Variants in CSMD1 observed in about 807,000 individuals in gnomAD.
The protein encoded by CSMD1 is CUB and sushi domain-containing protein 1.
Under a neutral mutation model 417.5 loss-of-function variants are expected in CSMD1, and 213 were observed. The ratio of observed to expected loss-of-function variants is 0.51; its 90% confidence interval spans 0.46 to 0.57. The LOEUF (loss-of-function observed/expected upper bound fraction) is 0.57. Among genes scored for constraint, CSMD1 ranks in the 20% least tolerant of loss-of-function variants. The pLI is 0.00. For missense variants in CSMD1, 6,923 were observed against 4,529.7 expected, an observed-to-expected ratio of 1.53 and a Z score of -15.17; for synonymous variants, 2,862 against 1,736.8, an observed-to-expected ratio of 1.65 and a Z score of -16.11.
chr8:3,427,574 A>T (rs960494408), intron 12 of CSMD1, among the ~76,000 whole-genome samples: 2 of 152,192 alleles, frequency 1.3e-5, no homozygotes, highest in Non-Finnish European at 2.9e-5. Context: ...CATATTTCAA[A>T]TCTATGAGAT....
chr8:4,980,415 T>C (rs930844288), intron 1 of CSMD1, among the ~76,000 whole-genome samples: 3 of 152,016 alleles, frequency 2.0e-5, no homozygotes, highest in African/African-American at 7.3e-5. Flanking sequence ...TCTGGTCTTG[T>C]GTGTGTGGGA....
At chr8:4,478,490 CA>C (rs1563217338) in intron 2 of CSMD1, among the ~76,000 whole-genome samples, 1 of 151,870 alleles carries the variant, frequency 6.6e-6, no homozygotes, top group Admixed American at 6.6e-5. Context: ...CTTTCCCCCC[CA>C]AAAAAACTGA....
At chr8:3,695,283 C>G (rs1311877396) in intron 7 of CSMD1, among the ~76,000 whole-genome samples, 2 of 151,906 alleles carry the variant, frequency 1.3e-5, no homozygotes, top group South Asian at 2.1e-4. Flanking sequence ...ATTATAGTGC[C>G]GCGATGCAGA....
intron 5 of CSMD1, among the ~76,000 whole-genome samples, chr8:3,806,632 G>C (rs1000258595): frequency 3.9e-5 from 6 of 152,172 alleles, no homozygotes; most frequent in African/African-American, 1.4e-4. Flanking sequence ...ATGTAAGTCA[G>C]CTTCATATGT....
chr8:3,045,439 T>C (rs192961903), intron 50 of CSMD1, among the ~76,000 whole-genome samples: 33 of 152,320 alleles, frequency 2.2e-4, no homozygotes, highest in African/African-American at 7.5e-4. Flanking sequence ...CTGTCATATG[T>C]TTTACATAGG....
At chr8:4,202,963 G>A (rs931452249) in intron 3 of CSMD1, among the ~76,000 whole-genome samples, 3 of 152,102 alleles carry the variant, frequency 2.0e-5, no homozygotes, top group African/African-American at 7.2e-5. Flanking sequence ...TGTGGGAGGA[G>A]AACGATTACC....
chr8:4,758,611 T>C (rs1563310631), intron 1 of CSMD1, among the ~76,000 whole-genome samples: 1 of 152,204 alleles, frequency 6.6e-6, no homozygotes, highest in Non-Finnish European at 1.5e-5. Context: ...AAAAGATGTT[T>C]AATTGACTCA....
chr8:4,554,456 C>T (rs1000378856), intron 2 of CSMD1, among the ~76,000 whole-genome samples: 1 of 152,140 alleles, frequency 6.6e-6, no homozygotes, highest in South Asian at 2.1e-4. Flanking sequence ...CACTTTTTAA[C>T]ATTAGAATGT....
intron 3 of CSMD1, among the ~76,000 whole-genome samples, chr8:4,227,491 G>C (rs1364483753): frequency 2.6e-5 from 4 of 152,084 alleles, no homozygotes; most frequent in African/African-American, 4.8e-5. Flanking sequence ...CTGTGCCCTT[G>C]AGGCTGGAGG....
intron 34 of CSMD1, among the ~76,000 whole-genome samples, chr8:3,189,284 A>G (rs141909704): frequency 1.6e-3 from 240 of 152,348 alleles, no homozygotes; most frequent in Middle Eastern, 6.8e-3. Flanking sequence ...CAATGATGGC[A>G]TCTCCAAAGT....
rs1487950000 is a variant in CSMD1, at chr8:4,184,265, G to A, written c.416-152166C>T. 5.9e-5 allele frequency among the ~76,000 whole-genome samples: 9 copies of A among 152,164 alleles called. No individual in the cohort carries two copies. In the East Asian group the frequency reaches 1.7e-3, roughly 29 times the overall value. ...ATTTAGCATTCAGCACAGCCCATAT[G>A]CTCATTTATAATCTAACGCTATTCA... is the stretch of plus-strand genomic sequence containing the variant. On this transcript the variant is annotated intron_variant, in intron 3 of 69. Transcript: ENST00000635120.
intron 54 of CSMD1, 117 bp from the exon 55 acceptor site, chr8:2,978,917 A>G (rs780463586): frequency 1.2e-6 from 1 of 843,850 alleles, no homozygotes; most frequent in Non-Finnish European, 1.8e-6. Context: ...TGACAACATG[A>G]TGGCTGAGGC....
chr8:4,704,336 C>T (rs897833684), intron 1 of CSMD1, among the ~76,000 whole-genome samples: 5 of 152,194 alleles, frequency 3.3e-5, no homozygotes, highest in African/African-American at 1.2e-4. Context: ...ACTCACAAAT[C>T]AGTTGTCTGG....
At chr8:3,553,616 G>C (rs1433865956) in intron 10 of CSMD1, among the ~76,000 whole-genome samples, 1 of 152,150 alleles carries the variant, frequency 6.6e-6, no homozygotes, top group African/African-American at 2.4e-5. Flanking sequence ...GTCCCTCCCA[G>C]CATTGCTAAT....
chr8:3,108,923 C>G (rs538740748), intron 43 of CSMD1, among the ~76,000 whole-genome samples, 175 bp from the exon 44 acceptor site: 9 of 152,332 alleles, frequency 5.9e-5, no homozygotes, highest in Admixed American at 4.6e-4. Context: ...GAGGAACCCT[C>G]CAGTCTCTGT....
chr8:3,355,757 T>C (rs1188991526), intron 21 of CSMD1, among the ~76,000 whole-genome samples: 1 of 152,176 alleles, frequency 6.6e-6, no homozygotes, highest in East Asian at 1.9e-4. Context: ...TCCCTAGGTA[T>C]GGACTTTACA....
intron 52 of CSMD1, among the ~76,000 whole-genome samples, chr8:3,008,181 A>G (rs1808100107): frequency 6.6e-6 from 1 of 152,210 alleles, no homozygotes; most frequent in African/African-American, 2.4e-5. Context: ...GTCAGGAAGA[A>G]GGCTCGAGAG....
At chr8:3,721,952 G>C (rs747705723) in intron 6 of CSMD1, among the ~76,000 whole-genome samples, 9 of 152,070 alleles carry the variant, frequency 5.9e-5, no homozygotes, top group African/African-American at 2.2e-4. Flanking sequence ...ACCCAAGGCC[G>C]TCCTCATCCC....
chr8:3,764,985 T>C (rs940450122), intron 5 of CSMD1, among the ~76,000 whole-genome samples: 4 of 152,088 alleles, frequency 2.6e-5, no homozygotes, highest in African/African-American at 4.8e-5. Context: ...CCTCAGGTGA[T>C]CTGCCCACTT....
Sources: gnomAD v4.1 joint callset for allele counts (sites outside exome capture counted in the v4.1 genomes callset) on GRCh38, gnomAD v4.1.1 for gene constraint, MANE v1.5 for transcripts, NCBI Gene and HGNC (gene_info 2026-07-23, HGNC 2026-07-21) for gene names.